Variants in ZFAND3 observed in about 807,000 individuals in gnomAD.
ZFAND3 encodes the protein zinc finger AN1-type containing 3.
Under a neutral mutation model 29.6 loss-of-function variants are expected in ZFAND3, and 10 were observed. The observed-to-expected ratio is 0.34, with a 90% CI of 0.21 to 0.57. The LOEUF (loss-of-function observed/expected upper bound fraction) is 0.57, where lower values mean the gene tolerates loss of function less well. ZFAND3 is among the 20% of genes least tolerant of loss of function. The pLI, the probability that ZFAND3 is intolerant of heterozygous loss-of-function variation, is 0.86. For missense variants in ZFAND3, 230 were observed against 304.5 expected (o/e 0.76, Z 1.82); for synonymous variants, 128 against 112.6 (o/e 1.14, Z -0.87).
intron 2 of ZFAND3, among the ~76,000 whole-genome samples, chr6:37,994,186 T>C (rs1041727479): frequency 1.3e-4 from 20 of 152,322 alleles, no homozygotes; most frequent in African/African-American, 4.1e-4. Flanking sequence ...TATAATGTTA[T>C]GATCCTGAAG....
Position 38,098,771 on chromosome 6 carries a change from G to A in ZFAND3, c.361+16314G>A, listed in dbSNP as rs148127039. ...CCTGCCTTGGCCTCCCAAAGTGCTA[G>A]GATTACAGGCATGAGCCACCGAGCC... is the stretch of plus-strand genomic sequence containing the variant. On this transcript the variant is annotated intron_variant, in intron 4 of 5. Coordinates refer to ENST00000287218, the MANE Select transcript of ZFAND3 (RefSeq NM_021943.3). Among the ~76,000 whole-genome samples the A allele has an allele frequency of 1.8e-3, 274 of 152,206 alleles. 4 individuals carry two copies. In the East Asian group the frequency reaches 0.044, roughly 24 times the overall value.
At chr6:38,064,749 CTCT>C (rs1390149476) in intron 3 of ZFAND3, among the ~76,000 whole-genome samples, 1 of 148,924 alleles carries the variant, frequency 6.7e-6, no homozygotes, top group African/African-American at 2.5e-5. Flanking sequence ...TCCTTTCTCT[CTCT>C]TCTTGGTGAC....
intron 4 of ZFAND3, among the ~76,000 whole-genome samples, chr6:38,106,309 C>T (rs768253794): frequency 4.6e-5 from 7 of 152,076 alleles, no homozygotes; most frequent in Admixed American, 2.6e-4. Flanking sequence ...TGCACCACCA[C>T]GCCCGGTTAA....
intron 2 of ZFAND3, among the ~76,000 whole-genome samples, chr6:37,936,073 A>G (rs1761692783): frequency 6.6e-6 from 1 of 152,196 alleles, no homozygotes. Flanking sequence ...TTAGTACCTA[A>G]TTCATGATGA....
intron 2 of ZFAND3, among the ~76,000 whole-genome samples, chr6:37,963,436 G>A (rs1289847278): frequency 6.6e-6 from 1 of 152,028 alleles, no homozygotes; most frequent in Admixed American, 6.6e-5. Flanking sequence ...AACTAAAAAA[G>A]CAAGAGCAAA....
At chr6:37,896,202 T>C (rs1040489230) in intron 1 of ZFAND3, among the ~76,000 whole-genome samples, 1 of 152,188 alleles carries the variant, frequency 6.6e-6, no homozygotes, top group Non-Finnish European at 1.5e-5. Context: ...AGTATCCTTT[T>C]TTTCTGAAAG....
intron 2 of ZFAND3, among the ~76,000 whole-genome samples, chr6:38,013,240 G>A (rs1208000747): frequency 6.6e-6 from 1 of 152,060 alleles, no homozygotes; most frequent in Non-Finnish European, 1.5e-5. Context: ...ACTATCATTC[G>A]CTAACATTTT....
intron 2 of ZFAND3, among the ~76,000 whole-genome samples, chr6:37,952,539 A>G (rs777222254): frequency 2.0e-5 from 3 of 151,966 alleles, no homozygotes; most frequent in Non-Finnish European, 2.9e-5. Flanking sequence ...AATTTCTGTG[A>G]GGTCAGTCGT....
chr6:37,998,904 C>G (rs1054265844), intron 2 of ZFAND3, among the ~76,000 whole-genome samples: 7 of 152,120 alleles, frequency 4.6e-5, no homozygotes, highest in African/African-American at 1.7e-4. Context: ...AATGTGTACA[C>G]AGATTGGTAT....
chr6:38,138,462 G>C (rs914378816), intron 5 of ZFAND3, among the ~76,000 whole-genome samples: 7 of 152,090 alleles, frequency 4.6e-5, no homozygotes, highest in African/African-American at 1.7e-4. Flanking sequence ...TGCTGGGAGG[G>C]GGACGGCTTG....
chr6:37,917,719 A>G (rs1327710253), intron 1 of ZFAND3, among the ~76,000 whole-genome samples: 1 of 152,150 alleles, frequency 6.6e-6, no homozygotes, highest in Non-Finnish European at 1.5e-5. Context: ...TGAGCATTGG[A>G]CTGGGAATAA....
intron 1 of ZFAND3, among the ~76,000 whole-genome samples, chr6:37,846,704 A>ATTTTTTT (rs59448343): frequency 7.1e-6 from 1 of 140,898 alleles, no homozygotes; most frequent in Admixed American, 7.1e-5. Flanking sequence ...TATACTTGTG[A>ATTTTTTT]TTTTTTTTTT....
intron 1 of ZFAND3, among the ~76,000 whole-genome samples, chr6:37,864,675 GTGTGTATA>G (rs1764552931): frequency 6.6e-6 from 1 of 151,682 alleles, no homozygotes; most frequent in South Asian, 2.1e-4. Context: ...GGGTGTATAT[GTGTGTATA>G]TATGTATATA....
chr6:37,995,493 T>C (rs1006820715), intron 2 of ZFAND3, among the ~76,000 whole-genome samples: 7 of 152,184 alleles, frequency 4.6e-5, no homozygotes, highest in South Asian at 2.1e-4. Flanking sequence ...CTTTTGGAAA[T>C]TGCATTATTA....
At chr6:37,887,442 G>T (rs1765015602) in intron 1 of ZFAND3, among the ~76,000 whole-genome samples, 1 of 152,076 alleles carries the variant, frequency 6.6e-6, no homozygotes. Flanking sequence ...AACAAGTTAG[G>T]TAACCTTAAT....
At position 37,819,844 on chromosome 6, in the gene ZFAND3, C is replaced by T. The variant is rs1414066822; in HGVS notation, c.-102C>T. On this transcript the variant is annotated 5_prime_UTR_variant, in exon 1 of 6. Transcript: ENST00000287218. ...CGCCCGCTCCTTCCCCCTCCCCCCG[C>T]CCCGAGCCCCCCGACGCCGCCGCCA... 5 of 711,150 alleles carry T rather than the reference C, an allele frequency of 7.0e-6. No homozygotes were observed. Among genetic ancestry groups the T allele is most frequent in the Middle Eastern group, 5.7e-4 (1 of 1,766 alleles). 44.1% of individuals were successfully genotyped at this position (711,150 alleles called of 1,614,324 possible).
intron 5 of ZFAND3, among the ~76,000 whole-genome samples, chr6:38,129,637 G>C (rs1765705415): frequency 6.6e-6 from 1 of 151,998 alleles, no homozygotes; most frequent in African/African-American, 2.4e-5. Flanking sequence ...CTAAGTATTC[G>C]GGTTTATTTG....
intron 5 of ZFAND3, among the ~76,000 whole-genome samples, chr6:38,150,305 T>C (rs1766195250): frequency 6.6e-6 from 1 of 152,224 alleles, no homozygotes; most frequent in South Asian, 2.1e-4. Flanking sequence ...AATCCCAATT[T>C]AGAGTCAAAC....
At position 37,844,789 on chromosome 6, in the gene ZFAND3, C is replaced by T. The variant is rs184547027; in HGVS notation, c.71+24773C>T. Reference sequence around the variant, plus strand: ...CAGCACTTTGGGAGGCCGACGTGGGCGGATCACGAAGTCAGGAGATCGAGA... The same window carrying T: ...CAGCACTTTGGGAGGCCGACGTGGGTGGATCACGAAGTCAGGAGATCGAGA... On this transcript the variant is annotated intron_variant, in intron 1 of 5. Coordinates refer to ENST00000287218, the MANE Select transcript of ZFAND3 (RefSeq NM_021943.3). Among the ~76,000 whole-genome samples, 1,081 of 150,700 alleles carry T rather than the reference C, an allele frequency of 7.2e-3. 8 individuals carry two copies. Among genetic ancestry groups the T allele is most frequent in the Non-Finnish European group, 0.011 (734 of 67,724 alleles).
Sources: allele counts gnomAD v4.1 joint callset (sites outside exome capture counted in the v4.1 genomes callset), GRCh38; gene constraint gnomAD v4.1.1; transcripts MANE v1.5; gene names NCBI Gene and HGNC (gene_info 2026-07-23, HGNC 2026-07-21).